The following RASGEF1A variants were observed in gnomAD, a reference collection of about 807,000 sequenced individuals.
RASGEF1A encodes the protein ras-GEF domain-containing family member 1A.
RASGEF1A carries 18 observed loss-of-function variants against 56.4 expected under a neutral mutation model. The observed-to-expected ratio is 0.32, with a 90% confidence interval of 0.22 to 0.47. The LOEUF is 0.47. Ranked by LOEUF, RASGEF1A falls within the 20% of genes least tolerant of loss-of-function variation. The probability of loss-of-function intolerance (pLI) is 1.00; values close to 1 mark genes in which losing one functional copy is unlikely to be tolerated. For synonymous variants in RASGEF1A, 245 were observed against 242.6 expected, an observed-to-expected ratio of 1.01 and a Z score of -0.09; for missense variants, 422 against 627.1, an observed-to-expected ratio of 0.67 and a Z score of 3.49.
chr10:43,251,517 T>A (rs1840627438), intron 1 of RASGEF1A, among the ~76,000 whole-genome samples: 1 of 152,140 alleles, frequency 6.6e-6, no homozygotes, highest in African/African-American at 2.4e-5. Context: ...TGCTTCTGCT[T>A]TGCCACTGAG....
At chr10:43,258,211 T>C (rs1836461789) in intron 1 of RASGEF1A, among the ~76,000 whole-genome samples, 1 of 152,210 alleles carries the variant, frequency 6.6e-6, no homozygotes, top group African/African-American at 2.4e-5. Context: ...AGGCGCAGTT[T>C]CGTTTAACTC....
intron 1 of RASGEF1A, among the ~76,000 whole-genome samples, chr10:43,212,873 A>C (rs1238474653): frequency 6.6e-6 from 1 of 152,232 alleles, no homozygotes; most frequent in Admixed American, 6.5e-5. Flanking sequence ...TCACACACAC[A>C]GGTTCACACA....
intron 1 of RASGEF1A, among the ~76,000 whole-genome samples, chr10:43,212,816 A>G (rs896664673): frequency 6.6e-6 from 1 of 152,234 alleles, no homozygotes; most frequent in African/African-American, 2.4e-5. Context: ...TAGGGGACAC[A>G]GCCTAAAACT....
intron 1 of RASGEF1A, among the ~76,000 whole-genome samples, chr10:43,261,741 G>C (rs1004861260): frequency 1.3e-5 from 2 of 152,122 alleles, no homozygotes; most frequent in Admixed American, 1.3e-4. Context: ...CAGCAAAGCC[G>C]GGGCTGCCCA....
chr10:43,209,052 C>G, intron 1 of RASGEF1A: 1 of 985,486 alleles, frequency 1.0e-6, no homozygotes, highest in Non-Finnish European at 1.2e-6. Context: ...GCCCCAACAG[C>G]AGGGGCAGGC....
intron 1 of RASGEF1A, among the ~76,000 whole-genome samples, chr10:43,259,699 A>G (rs895646757): frequency 6.6e-6 from 1 of 152,166 alleles, no homozygotes; most frequent in African/African-American, 2.4e-5. Flanking sequence ...GGCACAGAAC[A>G]AGCACTCAGA....
At chr10:43,226,081 A>C (rs966782951) in intron 1 of RASGEF1A, among the ~76,000 whole-genome samples, 1 of 152,146 alleles carries the variant, frequency 6.6e-6, no homozygotes, top group African/African-American at 2.4e-5. Context: ...TTTGCCAACA[A>C]AACTCCACTT....
intron 1 of RASGEF1A, among the ~76,000 whole-genome samples, chr10:43,239,502 T>C (rs1300164050): frequency 6.6e-6 from 1 of 152,206 alleles, no homozygotes; most frequent in Non-Finnish European, 1.5e-5. Flanking sequence ...AACTAAACGC[T>C]TGCAGAAATC....
At chr10:43,220,600 A>G (rs1159937545) in intron 1 of RASGEF1A, among the ~76,000 whole-genome samples, 2 of 152,158 alleles carry the variant, frequency 1.3e-5, no homozygotes, top group East Asian at 3.9e-4. Flanking sequence ...CCCGACCAAC[A>G]TGGTGAAACC....
chr10:43,248,312 C>A (rs1220470781), intron 1 of RASGEF1A, among the ~76,000 whole-genome samples: 1 of 143,350 alleles, frequency 7.0e-6, no homozygotes, highest in Non-Finnish European at 1.5e-5. Context: ...GCCGAGATGG[C>A]ACTACTGCGC....
Position 43,196,643 on chromosome 10 carries a change from A to G in RASGEF1A, c.1349-95T>C. ...CAGGAGTACAGCCCAGCACAAGGGG[A>G]CAGTGACCTCTGGCTGGGCTGAACA... On this transcript the variant is annotated intron_variant, in intron 11 of 12. Transcript: ENST00000395810. The surrounding 1 kb of genome is among the most constrained non-coding windows in gnomAD (Gnocchi z 4.6). 8.5e-7 allele frequency: 1 copy of G among 1,170,038 alleles called. No individual in the cohort carries two copies. Among genetic ancestry groups the G allele is most frequent in the Admixed American group, 1.7e-5 (1 of 58,290 alleles). 72.5% of individuals were successfully genotyped at this position (1,170,038 alleles called of 1,614,324 possible).
In RASGEF1A at chr10:43,239,162, G is replaced by C. The variant is rs149571123; in HGVS notation, c.-7+27683C>G. On this transcript the variant is annotated intron_variant, in intron 1 of 12. Coordinates refer to ENST00000395810, the MANE Select transcript of RASGEF1A (RefSeq NM_145313.4). The stretch of plus-strand genomic sequence containing the variant: ...ACTGGGTAGGTGGGCTGCCACACAT[G>C]TAAGAGGTCCTCTAGCAAAAGACAC... Among the ~76,000 whole-genome samples the C allele has an allele frequency of 7.9e-5, 12 of 152,302 alleles. No individual in the cohort carries two copies. In the East Asian group the frequency reaches 2.3e-3, roughly 29 times the overall value.
chr10:43,212,342 G>T (rs1442749845), intron 1 of RASGEF1A, among the ~76,000 whole-genome samples: 1 of 152,182 alleles, frequency 6.6e-6, no homozygotes, highest in Non-Finnish European at 1.5e-5. Context: ...GTTTAAGATG[G>T]GCTCTGAGAC....
At chr10:43,227,118 G>A (rs1174739844) in intron 1 of RASGEF1A, among the ~76,000 whole-genome samples, 1 of 152,218 alleles carries the variant, frequency 6.6e-6, no homozygotes, top group African/African-American at 2.4e-5. Context: ...AGGTTGACAT[G>A]ACAGTTTGGT....
intron 1 of RASGEF1A, chr10:43,207,348 C>T (rs1042446598): frequency 1.2e-4 from 116 of 986,372 alleles, no homozygotes; most frequent in Non-Finnish European, 1.3e-4. Flanking sequence ...CTGTAGGGGC[C>T]TTACAAGGAG....
intron 1 of RASGEF1A, among the ~76,000 whole-genome samples, chr10:43,228,389 A>G (rs558674272): frequency 3.0e-4 from 45 of 152,046 alleles, no homozygotes; most frequent in African/African-American, 1.1e-3. Flanking sequence ...TTGCTGGGGG[A>G]GCAGGACTGT....
rs561630401 is a variant in RASGEF1A, at chr10:43,263,820, C to A, written c.-7+3025G>T. On this transcript the variant is annotated intron_variant, in intron 1 of 12. Transcript: ENST00000395810. ...TTCCTGGGAGGTGCTGCAGCAGAGC[C>A]GGGACAACCGGACTACTCTCCCTGC... 2.6e-5 allele frequency among the ~76,000 whole-genome samples: 4 copies of A among 152,272 alleles called. No individual in the cohort carries two copies. The East Asian group carries it at 7.8e-4, about 30-fold the overall frequency.
At chr10:43,202,456 G>A (rs1232906229) in intron 3 of RASGEF1A, among the ~76,000 whole-genome samples, 2 of 152,112 alleles carry the variant, frequency 1.3e-5, no homozygotes, top group Non-Finnish European at 2.9e-5. Flanking sequence ...TGGCTGAAAC[G>A]ACTCCGACCC....
intron 1 of RASGEF1A, among the ~76,000 whole-genome samples, chr10:43,258,141 G>A (rs965221019): frequency 2.0e-5 from 3 of 152,248 alleles, no homozygotes; most frequent in African/African-American, 7.2e-5. Context: ...CCCTCATGGA[G>A]GTCTGCCTGC....
Sources: allele counts gnomAD v4.1 joint callset (sites outside exome capture counted in the v4.1 genomes callset), GRCh38; gene constraint gnomAD v4.1.1; non-coding constraint Gnocchi (gnomAD v3.1); transcripts MANE v1.5; gene names NCBI Gene and HGNC (gene_info 2026-07-23, HGNC 2026-07-21).